RBFOX1: variants seen among roughly 807,000 people sequenced by gnomAD.
RBFOX1 encodes the protein RNA binding fox-1 homolog 1, also known as RNA binding protein fox-1 homolog 1.
Under a neutral mutation model 57.7 loss-of-function variants are expected in RBFOX1, and 8 were observed. That is an observed-to-expected ratio of 0.14 (90% CI 0.08 to 0.25). The LOEUF (loss-of-function observed/expected upper bound fraction) is 0.25, where lower values mean the gene tolerates loss of function less well. Among genes scored for constraint, RBFOX1 ranks in the 10% least tolerant of loss-of-function variants. The pLI is 1.00. For missense variants in RBFOX1, 611 were observed against 548.5 expected (o/e 1.11, Z -1.14); for synonymous variants, 326 against 222.4 (o/e 1.47, Z -4.15).
intron 1 of RBFOX1, among the ~76,000 whole-genome samples, chr16:5,448,563 A>C (rs568749231): frequency 1.3e-5 from 2 of 152,150 alleles, no homozygotes; most frequent in African/African-American, 2.4e-5. Flanking sequence ...CAGGCAGGAG[A>C]CTGGGGTGAA....
chr16:6,124,253 T>C (rs2096572482), intron 1 of RBFOX1, among the ~76,000 whole-genome samples: 1 of 152,150 alleles, frequency 6.6e-6, no homozygotes, highest in Non-Finnish European at 1.5e-5. Flanking sequence ...GCTACCCAGC[T>C]CCCTCTAAAG....
At chr16:7,230,338 T>A (rs1381573711) in intron 4 of RBFOX1, among the ~76,000 whole-genome samples, 3 of 152,144 alleles carry the variant, frequency 2.0e-5, no homozygotes, top group Non-Finnish European at 4.4e-5. Context: ...TTACTCCGTG[T>A]GTTGGGGCAG....
chr16:6,799,111 C>T (rs984005998), intron 3 of RBFOX1, among the ~76,000 whole-genome samples: 6 of 151,974 alleles, frequency 3.9e-5, no homozygotes. Context: ...CTAGCTGATG[C>T]AGGTGAATCC....
intron 1 of RBFOX1, among the ~76,000 whole-genome samples, chr16:6,196,706 A>G (rs1216651410): frequency 2.6e-5 from 4 of 152,022 alleles, no homozygotes; most frequent in Middle Eastern, 3.4e-3. Flanking sequence ...TCTTTGAATA[A>G]TAGAATTTAT....
intron 1 of RBFOX1, among the ~76,000 whole-genome samples, chr16:5,319,507 G>C (rs925982721): frequency 3.9e-5 from 6 of 152,274 alleles, no homozygotes; most frequent in Non-Finnish European, 8.8e-5. Flanking sequence ...AGTCTCAGGA[G>C]CCATCTCCAA....
At chr16:5,918,242 C>A (rs566414784) in intron 4 of RBFOX1, among the ~76,000 whole-genome samples, 1 of 152,194 alleles carries the variant, frequency 6.6e-6, no homozygotes, top group East Asian at 1.9e-4. Context: ...GCCTCAGCCT[C>A]CCGAGTAGCT....
At chr16:5,361,674 G>A (rs770732621) in intron 1 of RBFOX1, among the ~76,000 whole-genome samples, 1 of 152,200 alleles carries the variant, frequency 6.6e-6, no homozygotes, top group Non-Finnish European at 1.5e-5. Context: ...AATGAAGGTA[G>A]ATGGTTGCCG....
chr16:6,869,919 C>T (rs1045585838), intron 3 of RBFOX1, among the ~76,000 whole-genome samples: 1 of 152,268 alleles, frequency 6.6e-6, no homozygotes, highest in Middle Eastern at 3.4e-3. Context: ...CCATAAATTA[C>T]TTATATCATC....
At chr16:5,708,258 T>G (rs1007667524) in intron 3 of RBFOX1, among the ~76,000 whole-genome samples, 2 of 152,122 alleles carry the variant, frequency 1.3e-5, no homozygotes, top group African/African-American at 4.8e-5. Flanking sequence ...TGCTTATTCA[T>G]TTGGTAAATA....
At chr16:7,034,620 C>G (rs752197303) in intron 3 of RBFOX1, among the ~76,000 whole-genome samples, 13 of 151,824 alleles carry the variant, frequency 8.6e-5, no homozygotes, top group African/African-American at 1.2e-4. Flanking sequence ...GTTTTTGTGT[C>G]TATCTCATTG....
intron 2 of RBFOX1, among the ~76,000 whole-genome samples, chr16:6,510,082 GTT>G (rs2096219681): frequency 2.6e-5 from 4 of 152,146 alleles, no homozygotes; most frequent in Non-Finnish European, 5.9e-5. Flanking sequence ...GATGCTTATA[GTT>G]ACTGAAAGCT....
intron 5 of RBFOX1, among the ~76,000 whole-genome samples, chr16:7,524,310 C>G (rs147826164): frequency 8.5e-5 from 13 of 152,280 alleles, no homozygotes; most frequent in East Asian, 1.9e-4. Context: ...AAAATGCAGA[C>G]AGAAAAGACT....
intron 2 of RBFOX1, among the ~76,000 whole-genome samples, chr16:6,503,595 C>A (rs1037931300): frequency 2.6e-5 from 4 of 152,132 alleles, no homozygotes; most frequent in Admixed American, 2.0e-4. Flanking sequence ...TTATTTGTGG[C>A]CTTTTCGGCA....
chr16:7,183,439 T>C (rs545759473), intron 4 of RBFOX1, among the ~76,000 whole-genome samples: 56 of 152,334 alleles, frequency 3.7e-4, no homozygotes, highest in African/African-American at 1.3e-3. Context: ...CGAAAGTGTT[T>C]TATTTCTCTA....
At chr16:6,614,222 C>G (rs913915472) in intron 2 of RBFOX1, among the ~76,000 whole-genome samples, 1 of 152,154 alleles carries the variant, frequency 6.6e-6, no homozygotes, top group Non-Finnish European at 1.5e-5. Flanking sequence ...GCATTTCATA[C>G]TGCCTGCTGC....
chr16:7,394,849 C>T (rs1310725970), intron 4 of RBFOX1, among the ~76,000 whole-genome samples: 2 of 152,154 alleles, frequency 1.3e-5, no homozygotes, highest in South Asian at 2.1e-4. Flanking sequence ...TTTTTCAATC[C>T]GTCTACTTCC....
intron 4 of RBFOX1, among the ~76,000 whole-genome samples, chr16:7,478,267 T>A (rs576128838): frequency 4.6e-5 from 7 of 152,222 alleles, no homozygotes; most frequent in African/African-American, 1.7e-4. Flanking sequence ...TTGCGTAGAA[T>A]GAAGAGAACA....
At chr16:5,483,403 C>T (rs1421285911) in intron 2 of RBFOX1, among the ~76,000 whole-genome samples, 1 of 152,214 alleles carries the variant, frequency 6.6e-6, no homozygotes, top group Non-Finnish European at 1.5e-5. Context: ...TACTGCTTGA[C>T]TAATCCCATG....
chr16:6,928,773 T>G (rs2076044947), intron 3 of RBFOX1, among the ~76,000 whole-genome samples: 1 of 152,170 alleles, frequency 6.6e-6, no homozygotes, highest in Non-Finnish European at 1.5e-5. Flanking sequence ...TCACATTGTT[T>G]GATTTCTTTC....
Sources: allele counts gnomAD v4.1 joint callset (sites outside exome capture counted in the v4.1 genomes callset), GRCh38; gene constraint gnomAD v4.1.1; transcripts MANE v1.5; gene names NCBI Gene and HGNC (gene_info 2026-07-23, HGNC 2026-07-21).